ZNF442: variants seen among roughly 807,000 people sequenced by gnomAD.
ZNF442 encodes the protein zinc finger protein 442.
ZNF442 carries 45 observed loss-of-function variants against 57.0 expected under a neutral mutation model. The observed-to-expected ratio is 0.79, with a 90% CI of 0.62 to 1.01. The LOEUF is 1.01. Ranked by LOEUF, ZNF442 falls within the 50% of genes least tolerant of loss-of-function variation. The pLI is 0.00. For missense variants in ZNF442, 690 were observed against 756.5 expected, an observed-to-expected ratio of 0.91 and a Z score of 1.03; for synonymous variants, 213 against 241.8, an observed-to-expected ratio of 0.88 and a Z score of 1.10.
At chr19:12,369,103 C>T (rs1969560807), upstream of ZNF442, among the ~76,000 whole-genome samples, 1 of 151,694 alleles carries the variant, frequency 6.6e-6, no homozygotes, top group Non-Finnish European at 1.5e-5. Context: ...AGAAAGAATA[C>T]CTAATGGAAC....
chr19:12,358,485 G>A (rs1969372373), intron 3 of ZNF442, among the ~76,000 whole-genome samples: 1 of 152,122 alleles, frequency 6.6e-6, no homozygotes, highest in Non-Finnish European at 1.5e-5. Context: ...GAATAGTGCT[G>A]CAATATGCAG....
At chr19:12,353,764 G>C (rs980223924) in intron 3 of ZNF442, among the ~76,000 whole-genome samples, 2 of 152,218 alleles carry the variant, frequency 1.3e-5, no homozygotes, top group African/African-American at 4.8e-5. Flanking sequence ...GATGGCGCTT[G>C]AAGAGGTTAT....
At chr19:12,357,508 T>A (rs536776733) in intron 3 of ZNF442, among the ~76,000 whole-genome samples, 1 of 152,108 alleles carries the variant, frequency 6.6e-6, no homozygotes, top group South Asian at 2.1e-4. Flanking sequence ...CCCATCACCA[T>A]GCCCAGCTAA....
intron 3 of ZNF442, among the ~76,000 whole-genome samples, chr19:12,359,660 T>C (rs1003069564): frequency 9.2e-5 from 14 of 152,054 alleles, no homozygotes; most frequent in Admixed American, 5.9e-4. Context: ...CAGACTTAGG[T>C]TAGAGCAAAA....
At chr19:12,372,147 A>T in the ZNF442 span, among the ~76,000 whole-genome samples, 266 of 152,306 alleles carry the variant, frequency 1.7e-3, 1 homozygote, top group African/African-American at 6.1e-3. Context: ...ATGAATAGAC[A>T]TTTTTCCAAA....
rs547122580 is a variant in ZNF442, at chr19:12,350,243, G to A, written c.1342C>T (p.Leu448Phe). The A allele has an allele frequency of 1.9e-6, 3 of 1,613,570 alleles. No individual in the cohort carries two copies. The highest frequency in any genetic ancestry group is 2.2e-5 in the East Asian group (1 of 44,852). ...CGKAFRISSS[L>F]RRHETTHTGE... ...GTGTGAGTTGTTTCATGTCTTCGAAGGGAACTAGAAATACGGAAGGCTTTA... is the reference window on the plus strand; with the variant it reads ...GTGTGAGTTGTTTCATGTCTTCGAAAGGAACTAGAAATACGGAAGGCTTTA... The change falls in exon 6 of 6, where the codon CTT becomes TTT. Residue 448 changes from leucine (L) to phenylalanine (F), a missense_variant. Coordinates refer to ENST00000242804, the MANE Select transcript of ZNF442 (RefSeq NM_030824.3).
rs1568484672 is a variant in ZNF442, at chr19:12,349,765, T to C, written c.1820A>G (p.Lys607Arg). 1.2e-6 allele frequency: 2 copies of C among 1,614,192 alleles called. No individual in the cohort carries two copies. Among genetic ancestry groups the C allele is most frequent in the Middle Eastern group, 1.6e-4 (1 of 6,062 alleles). The change falls in exon 6 of 6, where the codon AAG becomes AGG. Residue 607 changes from lysine to arginine, a missense_variant. By Grantham distance (26) the Lys-to-Arg change is conservative. Transcript: ENST00000242804. ...EKMHECKECG[K>R]ALSSLSSLHR... is the part of the protein sequence containing the mutation. The stretch of plus-strand genomic sequence containing the variant: ...CAAGGAACTGAGAGAACTCAGTGCC[T>C]TCCCACATTCCTTACATTCATGCAT...
Position 12,354,566 on chromosome 19 carries a change from AT to A in ZNF442, c.79-1453del, listed in dbSNP as rs960009182. 3.1e-3 allele frequency among the ~76,000 whole-genome samples: 456 copies of A among 146,214 alleles called. 1 individual carries two copies. Among genetic ancestry groups the A allele is most frequent in the African/African-American group, 4.3e-3 (171 of 40,144 alleles). On this transcript the variant is annotated intron_variant, in intron 3 of 5. Coordinates refer to ENST00000242804, the MANE Select transcript of ZNF442 (RefSeq NM_030824.3). ...ACGGCTTTACAAGAACAGATAAAGA[AT>A]TTTTTTTTTTTTTGGAGGGGGGAGA...
At chr19:12,363,499 G>T in intron 3 of ZNF442, 55 bp downstream of exon 3, 2 of 1,558,016 alleles carry the variant, frequency 1.3e-6, no homozygotes, top group South Asian at 1.1e-5. Context: ...ATGCACACCT[G>T]ACCTGAATGG....
At chr19:12,355,159 C>T (rs780082184) in intron 3 of ZNF442, among the ~76,000 whole-genome samples, 34 of 151,116 alleles carry the variant, frequency 2.2e-4, no homozygotes, top group Non-Finnish European at 4.4e-4. Flanking sequence ...GGCGTGGTGG[C>T]GGGCACCTGT....
chr19:12,366,877 C>T (rs143708771), upstream of ZNF442, among the ~76,000 whole-genome samples: 6,440 of 152,274 alleles, frequency 0.042, 457 homozygotes, highest in African/African-American at 0.15. Context: ...TCAGGCAATC[C>T]GCCGGCCTCG....
rs1969165045 is a variant in ZNF442 at position 12,348,759 on chromosome 19, T to G, written c.*942A>C. On this transcript the variant is annotated 3_prime_UTR_variant, in exon 6 of 6. Coordinates refer to ENST00000242804, the MANE Select transcript of ZNF442 (RefSeq NM_030824.3). ...CAGTGAATCATATTAGGCACCATAC[T>G]GTAATCAGCATCATCATGATCATGA... 1 of 152,096 alleles carries G rather than the reference T, an allele frequency of 6.6e-6. No homozygotes were observed. The highest frequency in any genetic ancestry group is 2.4e-5 in the African/African-American group (1 of 41,410). 9.4% of individuals were successfully genotyped at this position (152,096 alleles called of 1,614,324 possible).
intron 3 of ZNF442, among the ~76,000 whole-genome samples, chr19:12,360,953 A>C (rs1023297650): frequency 6.6e-6 from 1 of 152,178 alleles, no homozygotes; most frequent in Non-Finnish European, 1.5e-5. Flanking sequence ...GCACTTTGGG[A>C]GGCTGAGGTA....
upstream of ZNF442, among the ~76,000 whole-genome samples, chr19:12,368,927 A>G (rs924361442): frequency 6.6e-6 from 1 of 152,134 alleles, no homozygotes; most frequent in African/African-American, 2.4e-5. Context: ...TCCTCTGCGC[A>G]GTGTGAAAAT....
chr19:12,358,914 C>A (rs186142147), intron 3 of ZNF442, among the ~76,000 whole-genome samples: 10 of 152,278 alleles, frequency 6.6e-5, no homozygotes, highest in Admixed American at 6.5e-4. Context: ...TGTATAAAAC[C>A]AATGACTCCC....
chr19:12,367,788 C>A (rs1969550569), upstream of ZNF442, among the ~76,000 whole-genome samples: 1 of 152,138 alleles, frequency 6.6e-6, no homozygotes, highest in Non-Finnish European at 1.5e-5. Context: ...CCTGCCTAAG[C>A]CTCCCAAGTA....
intron 3 of ZNF442, among the ~76,000 whole-genome samples, chr19:12,355,297 A>C (rs1307898159): frequency 6.6e-6 from 1 of 151,282 alleles, no homozygotes; most frequent in Non-Finnish European, 1.5e-5. Flanking sequence ...TCTCAAAAAA[A>C]AAAAAAAAAG....
rs200111216 is a variant in ZNF442, at chr19:12,350,136, A to C, written c.1449T>G (p.Thr483=). 9.9e-6 allele frequency: 16 copies of C among 1,613,954 alleles called. No homozygotes were observed. The highest frequency in any genetic ancestry group is 1.3e-5 in the Non-Finnish European group (15 of 1,180,010). The change falls in exon 6 of 6, where the codon ACT becomes ACG. Residue 483 remains threonine, a synonymous_variant. Transcript: ENST00000242804. ...CCTTACACTCATATGGCTTCTCTCC[A>C]GTGTGAGTTGTTTCATGATTTTGAA... The part of the protein sequence containing the change: ...YSFQNHETTH[T]GEKPYECKEC...
chr19:12,363,154 G>A lies in ZNF442; in HGVS notation c.78+400C>T, dbSNP rs866156817. Among the ~76,000 whole-genome samples, 45 of 105,244 alleles carry A rather than the reference G, an allele frequency of 4.3e-4. 1 individual carries two copies. The highest frequency in any genetic ancestry group is 1.1e-3 in the African/African-American group (26 of 24,312). The allele number at this position is 105,244 out of a possible 152,430, so 69.0% of individuals were successfully genotyped here. A position where few individuals can be genotyped will look rare whatever the true frequency, so the allele number is the denominator to read the frequency against. On this transcript the variant is annotated intron_variant, in intron 3 of 5. Coordinates refer to ENST00000242804, the MANE Select transcript of ZNF442 (RefSeq NM_030824.3). ...AGCCTGGGCAACAGTGCGAAGCTCC[G>A]TCTCAAAAAAAAAAAAAAAAAAAAA...
Sources: allele counts gnomAD v4.1 joint callset (sites outside exome capture counted in the v4.1 genomes callset), GRCh38; gene constraint gnomAD v4.1.1; transcripts MANE v1.5; gene names NCBI Gene and HGNC (gene_info 2026-07-23, HGNC 2026-07-21).